B3GALNT2: variants seen among roughly 807,000 people sequenced by gnomAD.
The protein encoded by B3GALNT2 is UDP-GalNAc:beta-1,3-N-acetylgalactosaminyltransferase 2.
Under a neutral mutation model 61.1 loss-of-function variants are expected in B3GALNT2, and 53 were observed. The observed-to-expected ratio is 0.87, with a 90% confidence interval of 0.70 to 1.09. The LOEUF (loss-of-function observed/expected upper bound fraction) is 1.09. Ranked by LOEUF, B3GALNT2 falls within the 50% of genes least tolerant of loss-of-function variation. B3GALNT2 has a pLI of 0.00. For missense variants in B3GALNT2, 544 were observed against 623.0 expected, an observed-to-expected ratio of 0.87 and a Z score of 1.35; for synonymous variants, 223 against 237.4, an observed-to-expected ratio of 0.94 and a Z score of 0.56.
intron 1 of B3GALNT2, among the ~76,000 whole-genome samples, chr1:235,497,412 T>G (rs1243398778): frequency 2.0e-5 from 3 of 152,016 alleles, no homozygotes; most frequent in Admixed American, 2.0e-4. Flanking sequence ...CAAAAAAAAT[T>G]TTGGATATTC....
rs532429524 is a variant in B3GALNT2 at position 235,448,581 on chromosome 1, C to T, written c.*1625G>A. 11 of 1,382,638 alleles carry T rather than the reference C, an allele frequency of 8.0e-6. No individual in the cohort carries two copies. In the African/African-American group the frequency reaches 1.1e-4, roughly 14 times the overall value. The allele number at this position is 1,382,638 out of a possible 1,614,324, so 85.6% of individuals were successfully genotyped here. A position where few individuals can be genotyped will look rare whatever the true frequency, so the allele number is the denominator to read the frequency against. ...TTTGATTTTAAGGGTAAGCTACTGC[C>T]TGGGGACGGGGTGGGGGAAGAGTAT... On this transcript the variant is annotated 3_prime_UTR_variant, in exon 12 of 12. Coordinates refer to ENST00000366600, the MANE Select transcript of B3GALNT2 (RefSeq NM_152490.5).
chr1:235,455,352 C>T (rs1002491629), intron 9 of B3GALNT2, among the ~76,000 whole-genome samples: 2 of 152,066 alleles, frequency 1.3e-5, no homozygotes, highest in African/African-American at 4.8e-5. Flanking sequence ...TCAAAGGATC[C>T]TCCCACCTCA....
At chr1:235,460,083 G>T (rs543343562) in intron 7 of B3GALNT2, among the ~76,000 whole-genome samples, 2 of 148,274 alleles carry the variant, frequency 1.3e-5, no homozygotes, top group African/African-American at 2.5e-5. Context: ...GTGAGCCACT[G>T]CACCAGGCAT....
At chr1:235,442,002 A>T in the B3GALNT2 span, 2 of 890,978 alleles carry the variant, frequency 2.2e-6, no homozygotes, top group Admixed American at 2.6e-5. Context: ...TGAGTTTTAA[A>T]TGAAAATTTT....
chr1:235,468,788 T>G (rs1174459875), intron 6 of B3GALNT2, among the ~76,000 whole-genome samples: 1 of 152,152 alleles, frequency 6.6e-6, no homozygotes, highest in Non-Finnish European at 1.5e-5. Flanking sequence ...TTACAGAATT[T>G]TGGCATATGC....
intron 8 of B3GALNT2, 31 bp from the exon 9 acceptor site, chr1:235,455,715 T>C (rs1044997362): frequency 6.3e-7 from 1 of 1,593,410 alleles, no homozygotes; most frequent in Non-Finnish European, 8.6e-7. Context: ...AGAAAGTCAG[T>C]GCGACCAAAC....
chr1:235,480,372 C>T (rs545478349), intron 4 of B3GALNT2, among the ~76,000 whole-genome samples: 29 of 151,788 alleles, frequency 1.9e-4, no homozygotes, highest in African/African-American at 5.8e-4. Context: ...ACGAAATTCT[C>T]AAATGCTAAA....
rs181763521 is a variant in B3GALNT2 at position 235,498,638 on chromosome 1, C to T, written c.113-3810G>A. ...AGGGCAGATCACAAGGTCAGAAGTTCGAGACCAGCCTGGCCAATATGGTGA... is the reference window on the plus strand; with the variant it reads ...AGGGCAGATCACAAGGTCAGAAGTTTGAGACCAGCCTGGCCAATATGGTGA... On this transcript the variant is annotated intron_variant, in intron 1 of 11. Transcript: ENST00000366600. 1.8e-4 allele frequency among the ~76,000 whole-genome samples: 28 copies of T among 152,026 alleles called. No individual in the cohort carries two copies. The East Asian group carries it at 4.7e-3, about 25-fold the overall frequency.
chr1:235,443,254 T>A (rs1411924804), downstream of B3GALNT2, among the ~76,000 whole-genome samples: 1 of 152,050 alleles, frequency 6.6e-6, no homozygotes, highest in Non-Finnish European at 1.5e-5. Context: ...CAGGTTGGAA[T>A]GCAGTGGCAC....
chr1:235,486,029 T>C lies in B3GALNT2; in HGVS notation c.362-1514A>G, dbSNP rs189921120. On this transcript the variant is annotated intron_variant, in intron 3 of 11. Coordinates refer to ENST00000366600, the MANE Select transcript of B3GALNT2 (RefSeq NM_152490.5). ...TTGCTTGAGCCTGGGAGGAAGAGGC[T>C]GCAGTGACCTGAGATTGTGCCACTG... Among the ~76,000 whole-genome samples the C allele has an allele frequency of 3.9e-4, 59 of 152,236 alleles. No homozygotes were observed. The East Asian group carries it at 0.011, about 29-fold the overall frequency.
At chr1:235,469,660 C>T (rs567042239) in intron 6 of B3GALNT2, among the ~76,000 whole-genome samples, 314 of 151,974 alleles carry the variant, frequency 2.1e-3, no homozygotes, top group African/African-American at 7.4e-3. Context: ...TCAAGCAATC[C>T]TCCCACCTCA....
chr1:235,448,709 T>G lies in B3GALNT2; in HGVS notation c.*1497A>C. 1 of 1,614,132 alleles carries G rather than the reference T, an allele frequency of 6.2e-7. No individual in the cohort carries two copies. Among genetic ancestry groups the G allele is most frequent in the Non-Finnish European group, 8.5e-7 (1 of 1,180,006 alleles). ...AATCGAGCTGGAAAATGACCTAAAG[T>G]CATTACAGTTTTATTCTGTGGAAAA... is the stretch of plus-strand genomic sequence containing the variant. On this transcript the variant is annotated 3_prime_UTR_variant, in exon 12 of 12. Coordinates refer to ENST00000366600, the MANE Select transcript of B3GALNT2 (RefSeq NM_152490.5).
Position 235,504,295 on chromosome 1 carries a change from G to C in B3GALNT2, c.-43C>G. On this transcript the variant is annotated 5_prime_UTR_variant, in exon 1 of 12. Coordinates refer to ENST00000366600, the MANE Select transcript of B3GALNT2 (RefSeq NM_152490.5). The stretch of plus-strand genomic sequence containing the variant: ...AGCCGGGCTCTCCCGCGTCCCGGCG[G>C]AGAGGGAGGGGACCTGCAAGTGCGG... 1 of 1,477,312 alleles carries C rather than the reference G, an allele frequency of 6.8e-7. No homozygotes were observed. Among genetic ancestry groups the C allele is most frequent in the Non-Finnish European group, 8.9e-7 (1 of 1,118,918 alleles). 91.5% of individuals were successfully genotyped at this position (1,477,312 alleles called of 1,614,324 possible).
chr1:235,477,224 GTTCAAATCACCA>G lies in B3GALNT2; in HGVS notation c.651+2818_651+2829del, dbSNP rs538226496. 1.4e-3 allele frequency among the ~76,000 whole-genome samples: 219 copies of G among 152,156 alleles called. 1 individual carries two copies. The highest frequency in any genetic ancestry group is 4.5e-3 in the Admixed American group (68 of 15,264). On this transcript the variant is annotated intron_variant, in intron 5 of 11. Transcript: ENST00000366600. ...TGAAAAGCTTCAAACCTATAGAAAA[GTTCAAATCACCA>G]TTCAAATCACCTAGACTCACCAACT...
At chr1:235,455,434 C>A (rs1373624181) in intron 9 of B3GALNT2, 125 bp downstream of exon 9, 1 of 1,043,260 alleles carries the variant, frequency 9.6e-7, no homozygotes, top group Admixed American at 2.6e-5. Flanking sequence ...TATATATAAA[C>A]CCAGGAGTCT....
downstream of B3GALNT2, among the ~76,000 whole-genome samples, chr1:235,445,154 T>C (rs1450328195): frequency 6.6e-6 from 1 of 152,250 alleles, no homozygotes; most frequent in East Asian, 1.9e-4. Context: ...GAGTCCTATA[T>C]TCTATAAATT....
rs1398977207 is a variant in B3GALNT2 at position 235,450,352 on chromosome 1, C to A, written c.1369-12G>T. ...AGCCACAGACTGTCCTGTTGAGAAA[C>A]AACCAAAGCCGATCTGAGAGTGGTG... On this transcript the variant is annotated splice_polypyrimidine_tract_variant and intron_variant, in intron 11 of 11. Coordinates refer to ENST00000366600, the MANE Select transcript of B3GALNT2 (RefSeq NM_152490.5). 6.2e-7 allele frequency: 1 copy of A among 1,613,352 alleles called. No individual in the cohort carries two copies. Among genetic ancestry groups the A allele is most frequent in the Non-Finnish European group, 8.5e-7 (1 of 1,179,408 alleles).
Position 235,448,290 on chromosome 1 carries a change from T to C in B3GALNT2, c.*1916A>G. 6 of 1,363,584 alleles carry C rather than the reference T, an allele frequency of 4.4e-6. No homozygotes were observed. The highest frequency in any genetic ancestry group is 6.3e-6 in the Non-Finnish European group (6 of 952,820). The allele number at this position is 1,363,584 out of a possible 1,614,324, so 84.5% of individuals were successfully genotyped here. ...GATACTGTGGTCTCATCACATGAGC[T>C]AGTTTTACAGGTAACTGTCATTTGA... On this transcript the variant is annotated 3_prime_UTR_variant, in exon 12 of 12. Coordinates refer to ENST00000366600, the MANE Select transcript of B3GALNT2 (RefSeq NM_152490.5).
chr1:235,465,852 C>A, intron 6 of B3GALNT2, 138 bp from the exon 7 acceptor site: 7 of 914,876 alleles, frequency 7.7e-6, no homozygotes, highest in Non-Finnish European at 1.2e-5. Flanking sequence ...GCACTGGAGG[C>A]TTATAATATC....
Sources: allele counts gnomAD v4.1 joint callset (sites outside exome capture counted in the v4.1 genomes callset), GRCh38; gene constraint gnomAD v4.1.1; transcripts MANE v1.5; gene names NCBI Gene and HGNC (gene_info 2026-07-23, HGNC 2026-07-21).